XRCC4: variants seen among roughly 807,000 people sequenced by gnomAD.
XRCC4 encodes the protein DNA repair protein XRCC4.
In XRCC4, 28 loss-of-function variants were observed where a neutral mutation model predicts 39.1. The ratio of observed to expected loss-of-function variants is 0.72; its 90% CI spans 0.53 to 0.98. The LOEUF (loss-of-function observed/expected upper bound fraction) is 0.98. XRCC4 is among the 50% of genes least tolerant of loss of function. The pLI, the probability that XRCC4 is intolerant of heterozygous loss-of-function variation, is 0.00. For synonymous variants in XRCC4, 123 were observed against 126.4 expected (o/e 0.97, Z 0.18); for missense variants, 350 against 376.4 (o/e 0.93, Z 0.58).
chr5:83,335,572 ATTGT>A (rs1457337878), intron 7 of XRCC4, among the ~76,000 whole-genome samples: 1 of 151,980 alleles, frequency 6.6e-6, no homozygotes, highest in East Asian at 1.9e-4. Flanking sequence ...ATTATAATTA[ATTGT>A]TTAATATATT....
chr5:83,233,733 C>CAAAAA (rs200461475), intron 6 of XRCC4, among the ~76,000 whole-genome samples: 32 of 98,592 alleles, frequency 3.2e-4, no homozygotes, highest in African/African-American at 1.1e-3. Flanking sequence ...ACTAAAAATG[C>CAAAAA]AAAAAAAAAA....
intron 3 of XRCC4, among the ~76,000 whole-genome samples, chr5:83,148,657 G>A (rs1357560976): frequency 2.0e-5 from 3 of 151,910 alleles, no homozygotes; most frequent in South Asian, 4.1e-4. Flanking sequence ...TTAAATCCTC[G>A]TTTATATAAC....
chr5:83,258,285 C>T (rs1753623096), intron 6 of XRCC4, among the ~76,000 whole-genome samples: 3 of 151,994 alleles, frequency 2.0e-5, no homozygotes, highest in Admixed American at 2.0e-4. Context: ...ACACGTTCAC[C>T]CAGCATCAAA....
chr5:83,170,825 A>G (rs1171542202), intron 3 of XRCC4, among the ~76,000 whole-genome samples: 1 of 152,100 alleles, frequency 6.6e-6, no homozygotes, highest in East Asian at 1.9e-4. Flanking sequence ...ACCTGAAAGG[A>G]GGGGGATTAT....
chr5:83,139,290 T>A (rs889714622), intron 3 of XRCC4, among the ~76,000 whole-genome samples: 1 of 152,184 alleles, frequency 6.6e-6, no homozygotes, highest in African/African-American at 2.4e-5. Context: ...AGATTGAGTT[T>A]ATACATTTTT....
At chr5:83,247,491 G>T (rs746049974) in intron 6 of XRCC4, among the ~76,000 whole-genome samples, 2 of 152,170 alleles carry the variant, frequency 1.3e-5, no homozygotes, top group Non-Finnish European at 2.9e-5. Flanking sequence ...TGCCAAAAAG[G>T]TTGGGGACTG....
rs554218508 is a variant in XRCC4 at position 83,087,070 on chromosome 5, A to G, written c.-11+9455A>G. ...GGTGGCTCACACCTGTAATTCCAGC[A>G]CTTTGGGAGGCCAAAGCAGGTGGAT... On this transcript the variant is annotated intron_variant, in intron 1 of 7. Coordinates refer to ENST00000396027, the MANE Select transcript of XRCC4 (RefSeq NM_003401.5). Among the ~76,000 whole-genome samples the G allele has an allele frequency of 2.6e-5, 4 of 152,286 alleles. No individual in the cohort carries two copies. In the South Asian group the frequency reaches 8.3e-4, roughly 32 times the overall value.
chr5:83,267,240 G>A (rs1753987185), intron 7 of XRCC4, among the ~76,000 whole-genome samples: 3 of 152,150 alleles, frequency 2.0e-5, no homozygotes. Context: ...CTGAGGAGGT[G>A]TAACTGGAGT....
intron 7 of XRCC4, among the ~76,000 whole-genome samples, chr5:83,309,296 AATAT>A (rs1225850304): frequency 0.039 from 2,800 of 72,094 alleles, 220 homozygotes; most frequent in Middle Eastern, 0.056. Context: ...AAAAAAAAAA[AATAT>A]ATATATATAT....
intron 6 of XRCC4, among the ~76,000 whole-genome samples, chr5:83,256,204 T>G (rs1580431758): frequency 6.6e-6 from 1 of 152,308 alleles, no homozygotes; most frequent in South Asian, 2.1e-4. Context: ...TTCTGGCCGG[T>G]GCATTCCTGA....
chr5:83,166,520 G>A (rs1343216431), intron 3 of XRCC4, among the ~76,000 whole-genome samples: 3 of 150,474 alleles, frequency 2.0e-5, no homozygotes, highest in Non-Finnish European at 4.4e-5. Flanking sequence ...CTGGAGTGCC[G>A]TGGTATGATC....
In XRCC4 at chr5:83,195,829, A is replaced by C; in HGVS notation, c.375A>C (p.Glu125Asp). Residue 125 changes from glutamate (E) to aspartate (D), a missense_variant, in exon 4 of 8, where the codon GAA becomes GAC. Transcript: ENST00000396027. ...AAAACCCAGCTGAAGTCATTAGAGA[A>C]CTTATTTGTTATTGCTTGGACACCA... Reference protein sequence around the residue: ...KVENPAEVIRELICYCLDTIA... With the variant: ...KVENPAEVIRDLICYCLDTIA... 1 of 1,611,868 alleles carries C rather than the reference A, an allele frequency of 6.2e-7. No individual in the cohort carries two copies. The highest frequency in any genetic ancestry group is 8.5e-7 in the Non-Finnish European group (1 of 1,178,622).
chr5:83,166,252 T>G (rs1452066526), intron 3 of XRCC4, among the ~76,000 whole-genome samples: 1 of 152,174 alleles, frequency 6.6e-6, no homozygotes, highest in Non-Finnish European at 1.5e-5. Context: ...TGCTATTGTT[T>G]CAGTTGTGAA....
At chr5:83,210,046 A>G (rs1359986292) in intron 6 of XRCC4, among the ~76,000 whole-genome samples, 1 of 152,148 alleles carries the variant, frequency 6.6e-6, no homozygotes, top group African/African-American at 2.4e-5. Context: ...AGCCTTTTTG[A>G]AAATAAATGA....
intron 1 of XRCC4, among the ~76,000 whole-genome samples, chr5:83,104,237 AT>A (rs373534234): frequency 3.3e-5 from 5 of 151,754 alleles, no homozygotes; most frequent in South Asian, 2.1e-4. Flanking sequence ...GGGTTGTGAG[AT>A]TTTTTTTCCC....
intron 6 of XRCC4, among the ~76,000 whole-genome samples, chr5:83,219,586 C>G (rs181742902): frequency 2.0e-5 from 3 of 152,236 alleles, no homozygotes; most frequent in Admixed American, 2.0e-4. Flanking sequence ...TCTGTCTGTG[C>G]ATTAGATTGG....
chr5:83,236,006 A>G (rs936558097), intron 6 of XRCC4, among the ~76,000 whole-genome samples: 3 of 152,264 alleles, frequency 2.0e-5, no homozygotes, highest in Non-Finnish European at 4.4e-5. Context: ...GAATAGACCT[A>G]ACCAAAGAAG....
chr5:83,078,331 T>TA (rs1400346729), intron 1 of XRCC4, among the ~76,000 whole-genome samples: 1 of 152,244 alleles, frequency 6.6e-6, no homozygotes, highest in Non-Finnish European at 1.5e-5. Flanking sequence ...GGAATTCTAA[T>TA]AAAGTATTAG....
intron 7 of XRCC4, among the ~76,000 whole-genome samples, chr5:83,320,256 T>A (rs1298810020): frequency 6.9e-6 from 1 of 145,700 alleles, no homozygotes; most frequent in African/African-American, 2.5e-5. Context: ...TACCTAATGA[T>A]AGATGACACG....
Sources: gnomAD v4.1 joint callset for allele counts (sites outside exome capture counted in the v4.1 genomes callset) on GRCh38, gnomAD v4.1.1 for gene constraint, MANE v1.5 for transcripts, NCBI Gene and HGNC (gene_info 2026-07-23, HGNC 2026-07-21) for gene names.